Variants in LRP1B observed in about 807,000 individuals in gnomAD.
LRP1B encodes low-density lipoprotein receptor-related protein 1B.
Under a neutral mutation model 556.6 loss-of-function variants are expected in LRP1B, and 217 were observed. The ratio of observed to expected loss-of-function variants is 0.39; its 90% CI spans 0.35 to 0.44. The LOEUF (loss-of-function observed/expected upper bound fraction) is 0.44, where lower values mean the gene tolerates loss of function less well. LRP1B is among the 20% of genes least tolerant of loss of function. The probability of loss-of-function intolerance (pLI) is 1.00; values close to 1 mark genes in which losing one functional copy is unlikely to be tolerated. For synonymous variants in LRP1B, 2,047 were observed against 1,865.8 expected (o/e 1.10, Z -2.50); for missense variants, 5,053 against 5,620.8 (o/e 0.90, Z 3.23).
intron 1 of LRP1B, among the ~76,000 whole-genome samples, chr2:142,072,095 C>T (rs1705338681): frequency 6.6e-6 from 1 of 151,964 alleles, no homozygotes; most frequent in African/African-American, 2.4e-5. Context: ...TGCAGATCTA[C>T]TCTGATCTGT....
In LRP1B at chr2:140,776,189, G is replaced by A. The variant is rs2104950898; in HGVS notation, c.5409C>T (p.Cys1803=). 3 of 1,602,052 alleles carry A rather than the reference G, an allele frequency of 1.9e-6. No individual in the cohort carries two copies. Among genetic ancestry groups the A allele is most frequent in the Non-Finnish European group, 2.6e-6 (3 of 1,174,688 alleles). The change falls in exon 33 of 91, where the codon TGC becomes TGT. Residue 1803 remains cysteine (C), a synonymous_variant. Coordinates refer to ENST00000389484, the MANE Select transcript of LRP1B (RefSeq NM_018557.3). ...ADQNLAQLGT[C]SKRDGRNPTI... ...TGGGGTTTCTTCCGTCTCTTTTGCT[G>A]CAGGTTCCTAGCTGGGCTAAGTTTT...
At chr2:141,972,586 G>C (rs531553258) in intron 1 of LRP1B, among the ~76,000 whole-genome samples, 1 of 82,092 alleles carries the variant, frequency 1.2e-5, no homozygotes, top group African/African-American at 6.4e-5. Context: ...GAATGCAGGT[G>C]CAAAAAAAAA....
At chr2:141,210,883 A>G (rs991706939) in intron 6 of LRP1B, among the ~76,000 whole-genome samples, 3 of 152,232 alleles carry the variant, frequency 2.0e-5, no homozygotes, top group African/African-American at 7.2e-5. Flanking sequence ...TTATTGATAA[A>G]TGACAATAAA....
intron 3 of LRP1B, among the ~76,000 whole-genome samples, chr2:141,318,058 T>C (rs112968595): frequency 0.022 from 3,418 of 152,222 alleles, 67 homozygotes; most frequent in Non-Finnish European, 0.036. Context: ...AAAACACCAC[T>C]AAGGGTTAAC....
chr2:140,740,329 C>T (rs1050178881), intron 35 of LRP1B, among the ~76,000 whole-genome samples: 4 of 152,050 alleles, frequency 2.6e-5, no homozygotes, highest in South Asian at 2.1e-4. Context: ...AATACTACTC[C>T]GCCATAAAAA....
chr2:142,010,318 G>C (rs1285502091), intron 1 of LRP1B, among the ~76,000 whole-genome samples: 2 of 151,968 alleles, frequency 1.3e-5, no homozygotes, highest in African/African-American at 4.8e-5. Flanking sequence ...ACTTTGGGAG[G>C]CTGAGGAGGG....
chr2:141,893,165 A>C (rs2104918095), intron 1 of LRP1B, among the ~76,000 whole-genome samples: 1 of 152,256 alleles, frequency 6.6e-6, no homozygotes, highest in South Asian at 2.1e-4. Context: ...AAACTATGTC[A>C]TCTATTAGAT....
At chr2:140,764,840 A>G (rs111633230) in intron 35 of LRP1B, among the ~76,000 whole-genome samples, 3,561 of 152,270 alleles carry the variant, frequency 0.023, 76 homozygotes, top group South Asian at 0.097. Flanking sequence ...GGTGTTATAC[A>G]TTCTGTGGAT....
At chr2:141,291,728 C>A (rs551933450) in intron 3 of LRP1B, among the ~76,000 whole-genome samples, 267 of 151,732 alleles carry the variant, frequency 1.8e-3, no homozygotes, top group African/African-American at 6.1e-3. Context: ...TGGTGGCGGG[C>A]ACCTGTAATC....
intron 3 of LRP1B, among the ~76,000 whole-genome samples, chr2:141,347,762 A>C (rs925516908): frequency 2.0e-5 from 3 of 152,072 alleles, no homozygotes; most frequent in African/African-American, 7.2e-5. Context: ...TAATATTTTC[A>C]TCAAGTCTAC....
intron 15 of LRP1B, among the ~76,000 whole-genome samples, chr2:140,994,389 A>ATGTGTGTGTGTGTGTGTGTGTG (rs3061707): frequency 1.4e-5 from 2 of 147,070 alleles, no homozygotes; most frequent in African/African-American, 2.5e-5. Context: ...GTAGGTAAGG[A>ATGTGTGTGTGTGTGTGTGTGTG]TGTGTGTGTG....
chr2:140,322,521 C>T (rs552943489), intron 81 of LRP1B, among the ~76,000 whole-genome samples: 16 of 145,524 alleles, frequency 1.1e-4, no homozygotes, highest in Non-Finnish European at 7.5e-5. Flanking sequence ...ACAATCCCCC[C>T]GCCTTGTATT....
chr2:142,124,058 A>G (rs1196257572), intron 1 of LRP1B, among the ~76,000 whole-genome samples: 1 of 151,732 alleles, frequency 6.6e-6, no homozygotes, highest in Non-Finnish European at 1.5e-5. Context: ...TTAATTTTAG[A>G]TTTGGGGGTA....
intron 2 of LRP1B, among the ~76,000 whole-genome samples, chr2:141,731,172 G>A (rs948882146): frequency 6.6e-6 from 1 of 152,030 alleles, no homozygotes; most frequent in African/African-American, 2.4e-5. Flanking sequence ...TGTATGCAGT[G>A]GTTTTTAAAC....
In LRP1B at chr2:141,315,882, C is replaced by CTTTTTT. The variant is rs70991157; in HGVS notation, c.344-61247_344-61242dup. ...GAAAATCCTCTATCTTTAGTCTGGT[C>CTTTTTT]TTTTTTTTTTTTTTTTTTTTTTTTT... On this transcript the variant is annotated intron_variant, in intron 3 of 90. Coordinates refer to ENST00000389484, the MANE Select transcript of LRP1B (RefSeq NM_018557.3). Among the ~76,000 whole-genome samples the CTTTTTT allele has an allele frequency of 3.9e-4, 7 of 18,140 alleles. 1 individual carries two copies. Among genetic ancestry groups the CTTTTTT allele is most frequent in the African/African-American group, 1.2e-3 (5 of 4,224 alleles). The allele number at this position is 18,140 out of a possible 152,430, so 11.9% of individuals were successfully genotyped here.
chr2:140,542,287 G>A (rs1680166132), intron 43 of LRP1B, among the ~76,000 whole-genome samples: 1 of 151,914 alleles, frequency 6.6e-6, no homozygotes, highest in Non-Finnish European at 1.5e-5. Flanking sequence ...AATATTAGAC[G>A]AAGATTATCA....
chr2:141,484,638 T>C (rs1683052132), intron 2 of LRP1B, among the ~76,000 whole-genome samples: 1 of 152,132 alleles, frequency 6.6e-6, no homozygotes, highest in African/African-American at 2.4e-5. Flanking sequence ...TTTTATTTCA[T>C]TGAGCAGTGG....
At chr2:141,069,322 A>G (rs926208135) in intron 7 of LRP1B, among the ~76,000 whole-genome samples, 3 of 152,124 alleles carry the variant, frequency 2.0e-5, no homozygotes, top group African/African-American at 7.2e-5. Context: ...AAAGTGGAGC[A>G]CTAAAAATGT....
At chr2:142,011,404 G>T (rs1355007628) in intron 1 of LRP1B, among the ~76,000 whole-genome samples, 1 of 152,126 alleles carries the variant, frequency 6.6e-6, no homozygotes, top group Non-Finnish European at 1.5e-5. Flanking sequence ...TTTACATGAT[G>T]ATACAATTTC....
Sources: allele counts gnomAD v4.1 joint callset (sites outside exome capture counted in the v4.1 genomes callset), GRCh38; gene constraint gnomAD v4.1.1; transcripts MANE v1.5; gene names NCBI Gene and HGNC (gene_info 2026-07-23, HGNC 2026-07-21).